Variants in FBXL14 observed in about 807,000 individuals in gnomAD.
FBXL14 encodes the protein F-box/LRR-repeat protein 14.
FBXL14 carries 11 observed loss-of-function variants against 24.5 expected under a neutral mutation model. The observed-to-expected ratio is 0.45, with a 90% CI of 0.28 to 0.74. The LOEUF is 0.74. Among genes scored for constraint, FBXL14 ranks in the 30% least tolerant of loss-of-function variants. The probability of loss-of-function intolerance (pLI) is 0.12; values close to 1 mark genes in which losing one functional copy is unlikely to be tolerated. For missense variants in FBXL14, 384 were observed against 545.6 expected (o/e 0.70, Z 2.95); for synonymous variants, 294 against 240.4 (o/e 1.22, Z -2.06).
intron 1 of FBXL14, among the ~76,000 whole-genome samples, chr12:1,582,500 C>T (rs772922616): frequency 1.3e-4 from 20 of 152,072 alleles, no homozygotes; most frequent in Non-Finnish European, 8.8e-5. Context: ...TTTGGGGTGC[C>T]TTCCCTGAAT....
At chr12:1,590,649 T>C (rs1402248704) in intron 1 of FBXL14, among the ~76,000 whole-genome samples, 1 of 152,202 alleles carries the variant, frequency 6.6e-6, no homozygotes, top group Non-Finnish European at 1.5e-5. Context: ...ACAGAGTGGA[T>C]CCAGCGGCCA....
chr12:1,592,651 A>AGTAGG (rs934544267), intron 1 of FBXL14, among the ~76,000 whole-genome samples: 2 of 152,092 alleles, frequency 1.3e-5, no homozygotes, highest in African/African-American at 4.8e-5. Context: ...AGGAGCTGGG[A>AGTAGG]GTAGGGTAGG....
rs2094451796 is a variant in FBXL14, at chr12:1,574,466, T to C, written c.1195-7656A>G. Among the ~76,000 whole-genome samples, 6 of 101,704 alleles carry C rather than the reference T, an allele frequency of 5.9e-5. No individual in the cohort carries two copies. In the Admixed American group the frequency reaches 6.6e-4, roughly 11 times the overall value. 66.7% of individuals were successfully genotyped at this position (101,704 alleles called of 152,430 possible). A position where few individuals can be genotyped will look rare whatever the true frequency, so the allele number is the denominator to read the frequency against. On this transcript the variant is annotated intron_variant, in intron 1 of 1. Coordinates refer to ENST00000339235, the MANE Select transcript of FBXL14 (RefSeq NM_152441.3). ...GGGAGGCTGGTGGCAGCCGTGTGGG[T>C]GGAGGCTGGGGTGAGGGGAGGCTGG...
intron 1 of FBXL14, among the ~76,000 whole-genome samples, chr12:1,571,457 C>G (rs1216617592): frequency 6.6e-6 from 1 of 152,216 alleles, no homozygotes; most frequent in African/African-American, 2.4e-5. Context: ...ATCCGCCTGC[C>G]TCAGCCTCCC....
intron 1 of FBXL14, among the ~76,000 whole-genome samples, chr12:1,576,061 C>T (rs192570918): frequency 1.8e-4 from 27 of 152,302 alleles, no homozygotes; most frequent in African/African-American, 5.5e-4. Context: ...AACTAGCCTA[C>T]GACAGCGGGA....
intron 1 of FBXL14, among the ~76,000 whole-genome samples, chr12:1,578,633 C>T (rs1020446046): frequency 2.6e-4 from 39 of 152,030 alleles, no homozygotes; most frequent in Middle Eastern, 3.4e-3. Context: ...AGCAAGACGC[C>T]GTCTCTAAAA....
In FBXL14 at chr12:1,594,366, C is replaced by A. The variant is rs1274531302; in HGVS notation, c.-300G>T. Among the ~76,000 whole-genome samples the A allele has an allele frequency of 2.1e-5, 3 of 143,926 alleles. No homozygotes were observed. The highest frequency in any genetic ancestry group is 7.5e-5 in the African/African-American group (3 of 40,148). 94.4% of individuals were successfully genotyped at this position (143,926 alleles called of 152,430 possible). A position where few individuals can be genotyped will look rare whatever the true frequency, so the allele number is the denominator to read the frequency against. On this transcript the variant is annotated 5_prime_UTR_variant, in exon 1 of 2. Coordinates refer to ENST00000339235, the MANE Select transcript of FBXL14 (RefSeq NM_152441.3). Reference sequence around the variant, plus strand: ...GGCGCCTCGCTCTCGCTCCCGGAGGCCGGCCGCCGCCGCCGCCTCGGCTCT... The same window carrying A: ...GGCGCCTCGCTCTCGCTCCCGGAGGACGGCCGCCGCCGCCGCCTCGGCTCT...
intron 1 of FBXL14, among the ~76,000 whole-genome samples, chr12:1,591,638 AG>A (rs1408849341): frequency 6.6e-6 from 1 of 152,198 alleles, no homozygotes; most frequent in Non-Finnish European, 1.5e-5. Context: ...CCCCACCAAA[AG>A]AAAGAAAGTC....
rs985529523 is a variant in FBXL14 at position 1,579,135 on chromosome 12, C to T, written c.1195-12325G>A. ...CACTCCCCAAAAGAAGTATGAAAGC[C>T]GACATAAAATACGAATATGATCTTT... On this transcript the variant is annotated intron_variant, in intron 1 of 1. Transcript: ENST00000339235. The surrounding 1 kb of genome is among the most constrained non-coding windows in gnomAD (Gnocchi z 4.3). 3.3e-5 allele frequency among the ~76,000 whole-genome samples: 5 copies of T among 152,042 alleles called. No homozygotes were observed. The highest frequency in any genetic ancestry group is 1.9e-4 in the East Asian group (1 of 5,178).
At chr12:1,587,198 T>G (rs1026734880) in intron 1 of FBXL14, among the ~76,000 whole-genome samples, 7 of 143,734 alleles carry the variant, frequency 4.9e-5, no homozygotes, top group African/African-American at 1.8e-4. Flanking sequence ...GATCGTGCCA[T>G]TGCACTGCAG....
intron 1 of FBXL14, among the ~76,000 whole-genome samples, chr12:1,583,182 C>T (rs898006423): frequency 6.6e-6 from 1 of 151,882 alleles, no homozygotes; most frequent in Non-Finnish European, 1.5e-5. Context: ...CTGAAAGGCT[C>T]TCTAGAATTT....
At chr12:1,589,295 A>C (rs1020721351) in intron 1 of FBXL14, among the ~76,000 whole-genome samples, 2 of 147,880 alleles carry the variant, frequency 1.4e-5, no homozygotes, top group Admixed American at 6.7e-5. Flanking sequence ...GCTACTCAGG[A>C]GGCTAGGTGG....
Position 1,569,990 on chromosome 12 carries a change from G to C in FBXL14, c.1195-3180C>G, listed in dbSNP as rs767954002. 3.3e-5 allele frequency among the ~76,000 whole-genome samples: 5 copies of C among 152,214 alleles called. No homozygotes were observed. The highest frequency in any genetic ancestry group is 7.3e-5 in the Non-Finnish European group (5 of 68,044). ...GCAAGGAAGCTTTTCAGACAAGAAG[G>C]AGGCTTTTATGAGGTTCAGATTCTT... On this transcript the variant is annotated intron_variant, in intron 1 of 1. Coordinates refer to ENST00000339235, the MANE Select transcript of FBXL14 (RefSeq NM_152441.3). This position sits in a 1 kb window ranked among gnomAD's most constrained non-coding sequence, Gnocchi z 4.2.
chr12:1,574,283 C>T (rs1356893881), intron 1 of FBXL14, among the ~76,000 whole-genome samples: 1 of 91,860 alleles, frequency 1.1e-5, no homozygotes, highest in Admixed American at 1.3e-4. Context: ...TTTTCGCCAG[C>T]GCCCCAGTGA....
intron 1 of FBXL14, among the ~76,000 whole-genome samples, chr12:1,574,370 T>C (rs1592460620): frequency 1.5e-4 from 22 of 144,476 alleles, no homozygotes; most frequent in Admixed American, 1.4e-4. Flanking sequence ...AGGAGGCTGG[T>C]GGCAGCGGTG....
intron 1 of FBXL14, among the ~76,000 whole-genome samples, chr12:1,571,747 T>G (rs1199866259): frequency 4.6e-5 from 7 of 152,252 alleles, no homozygotes; most frequent in African/African-American, 1.2e-4. Context: ...AGATTGTCCC[T>G]ATCCCATTTG....
In FBXL14 at chr12:1,593,992, C is replaced by A; in HGVS notation, c.75G>T (p.Lys25Asn). 1 of 1,584,710 alleles carries A rather than the reference C, an allele frequency of 6.3e-7. No individual in the cohort carries two copies. The highest frequency in any genetic ancestry group is 8.5e-7 in the Non-Finnish European group (1 of 1,173,364). The part of the protein sequence containing the change: ...MIFGYLDVRD[K>N]GRAAQVCTAW... ...CGGTGCACACCTGCGCCGCGCGCCCCTTGTCCCGGACGTCCAGGTAGCCGA... is the reference window on the plus strand; with the variant it reads ...CGGTGCACACCTGCGCCGCGCGCCCATTGTCCCGGACGTCCAGGTAGCCGA... The change falls in exon 1 of 2, where the codon AAG becomes AAT. Residue 25 changes from lysine (K) to asparagine (N), a missense_variant. Physicochemically the swap from Lys to Asn is moderately conservative, Grantham distance 94 (BLOSUM62 0). Transcript: ENST00000339235. This position sits in a 1 kb window ranked among gnomAD's most constrained non-coding sequence, Gnocchi z 7.4.
At chr12:1,586,413 C>T (rs2094476679) in intron 1 of FBXL14, among the ~76,000 whole-genome samples, 1 of 152,084 alleles carries the variant, frequency 6.6e-6, no homozygotes. Context: ...TGCTGTGTCG[C>T]CCAGGCTGGT....
chr12:1,592,507 T>C (rs1278138317), intron 1 of FBXL14, among the ~76,000 whole-genome samples: 1 of 151,870 alleles, frequency 6.6e-6, no homozygotes. Flanking sequence ...CTCCCCAGGG[T>C]TGAAAAGACC....
Sources: allele counts gnomAD v4.1 joint callset (sites outside exome capture counted in the v4.1 genomes callset), GRCh38; gene constraint gnomAD v4.1.1; non-coding constraint Gnocchi (gnomAD v3.1); transcripts MANE v1.5; gene names NCBI Gene and HGNC (gene_info 2026-07-23, HGNC 2026-07-21).